ANKS1B: variants seen among roughly 807,000 people sequenced by gnomAD.
ANKS1B encodes the protein ankyrin repeat and sterile alpha motif domain containing 1B, also known as ankyrin repeat and sterile alpha motif domain-containing protein 1B.
Under a neutral mutation model 148.3 loss-of-function variants are expected in ANKS1B, and 36 were observed. The ratio of observed to expected loss-of-function variants is 0.24; its 90% CI spans 0.19 to 0.32. The LOEUF (loss-of-function observed/expected upper bound fraction) is 0.32, where lower values mean the gene tolerates loss of function less well. Among genes scored for constraint, ANKS1B ranks in the 10% least tolerant of loss-of-function variants. The probability of loss-of-function intolerance (pLI) is 1.00; values close to 1 mark genes in which losing one functional copy is unlikely to be tolerated. For missense variants in ANKS1B, 1,157 were observed against 1,542.6 expected (o/e 0.75, Z 4.19); for synonymous variants, 542 against 560.8 (o/e 0.97, Z 0.47).
chr12:98,801,215 C>T lies in ANKS1B; in HGVS notation c.3142-90G>A. 3 of 1,353,856 alleles carry T rather than the reference C, an allele frequency of 2.2e-6. No homozygotes were observed. The highest frequency in any genetic ancestry group is 3.0e-6 in the Non-Finnish European group (3 of 995,212). 83.9% of individuals were successfully genotyped at this position (1,353,856 alleles called of 1,614,324 possible). ...CCTGAGCTCACCTTACACACAGGTG[C>T]TGTGAATGTACCAAAATGCATTTGG... On this transcript the variant is annotated intron_variant, in intron 20 of 26. Transcript: ENST00000683438. This position sits in a 1 kb window ranked among gnomAD's most constrained non-coding sequence, Gnocchi z 5.2.
chr12:99,129,296 T>C (rs766807200), intron 15 of ANKS1B, among the ~76,000 whole-genome samples: 2 of 152,188 alleles, frequency 1.3e-5, no homozygotes, highest in Non-Finnish European at 2.9e-5. Flanking sequence ...TGTCAATGCA[T>C]AGCAGGTCTC....
intron 10 of ANKS1B, among the ~76,000 whole-genome samples, chr12:99,476,427 C>A (rs748892714): frequency 6.6e-6 from 1 of 151,930 alleles, no homozygotes; most frequent in Non-Finnish European, 1.5e-5. Flanking sequence ...GAAAAGATAT[C>A]ACAATTAATC....
intron 15 of ANKS1B, chr12:99,093,440 A>C (rs999078914): frequency 6.6e-6 from 1 of 152,274 alleles, no homozygotes; most frequent in Non-Finnish European, 1.5e-5. Flanking sequence ...TGACTGGTCA[A>C]CTGGGAAAAT....
chr12:99,181,216 CT>C (rs929898421), intron 14 of ANKS1B, among the ~76,000 whole-genome samples: 39 of 151,492 alleles, frequency 2.6e-4, no homozygotes, highest in African/African-American at 8.2e-4. Flanking sequence ...AACCATGATC[CT>C]TGCGATAAGT....
intron 9 of ANKS1B, among the ~76,000 whole-genome samples, chr12:99,540,286 C>T (rs923682196): frequency 1.3e-5 from 2 of 152,084 alleles, no homozygotes; most frequent in African/African-American, 4.8e-5. Flanking sequence ...AAACAGAAGA[C>T]TTAAATAATA....
intron 19 of ANKS1B, among the ~76,000 whole-genome samples, chr12:98,813,774 C>T (rs2153636936): frequency 6.6e-6 from 1 of 151,950 alleles, no homozygotes; most frequent in South Asian, 2.1e-4. Context: ...AGGCTGGTCT[C>T]AAACTCCTGG....
chr12:99,123,781 C>T (rs957722611), intron 15 of ANKS1B, among the ~76,000 whole-genome samples: 5 of 152,160 alleles, frequency 3.3e-5, no homozygotes, highest in East Asian at 3.9e-4. Flanking sequence ...CGTTCCCCTG[C>T]CTGCTTTTAT....
intron 9 of ANKS1B, among the ~76,000 whole-genome samples, chr12:99,577,818 T>C (rs1479779750): frequency 6.6e-6 from 1 of 152,012 alleles, no homozygotes; most frequent in Non-Finnish European, 1.5e-5. Flanking sequence ...TGGAAACCAT[T>C]ACTATTAAAA....
intron 19 of ANKS1B, among the ~76,000 whole-genome samples, chr12:98,816,811 T>C (rs917956601): frequency 7.2e-5 from 11 of 152,112 alleles, no homozygotes; most frequent in Non-Finnish European, 1.5e-4. Context: ...GACAGGCTGA[T>C]GGTGGGTCTC....
chr12:98,947,712 A>G (rs2099847559), intron 17 of ANKS1B, among the ~76,000 whole-genome samples: 1 of 152,276 alleles, frequency 6.6e-6, no homozygotes, highest in South Asian at 2.1e-4. Flanking sequence ...AGTCTTTGAG[A>G]GTTAACTCAG....
At chr12:99,792,283 C>T (rs373071819) in intron 4 of ANKS1B, among the ~76,000 whole-genome samples, 6 of 151,806 alleles carry the variant, frequency 4.0e-5, no homozygotes, top group African/African-American at 7.2e-5. Flanking sequence ...AGTGCAGGAC[C>T]GATGACTTTG....
Position 98,815,991 on chromosome 12 carries a change from T to C in ANKS1B, c.3067-8073A>G, listed in dbSNP as rs944954598. ...CAGTCCTAACAATGACCTGCAAGGT[T>C]CTCCGTTCTCTGGTACCCACACTGC... On this transcript the variant is annotated intron_variant, in intron 19 of 26. Transcript: ENST00000683438. 4.6e-5 allele frequency among the ~76,000 whole-genome samples: 7 copies of C among 152,130 alleles called. 1 individual carries two copies. In the East Asian group the frequency reaches 1.2e-3, roughly 25 times the overall value.
chr12:98,920,322 A>G (rs568187902), intron 17 of ANKS1B, among the ~76,000 whole-genome samples: 8 of 152,352 alleles, frequency 5.3e-5, no homozygotes, highest in Non-Finnish European at 2.9e-5. Context: ...GTAGAAATGT[A>G]TCTACTTCCA....
intron 14 of ANKS1B, among the ~76,000 whole-genome samples, chr12:99,223,188 C>A (rs544885270): frequency 9.8e-4 from 149 of 152,246 alleles, no homozygotes; most frequent in African/African-American, 3.3e-3. Flanking sequence ...CCCTTTCCTA[C>A]AGCTACCATT....
At chr12:99,724,009 A>C (rs979975990) in intron 8 of ANKS1B, among the ~76,000 whole-genome samples, 6 of 152,152 alleles carry the variant, frequency 3.9e-5, no homozygotes, top group Non-Finnish European at 8.8e-5. Flanking sequence ...GGCAGCCTCA[A>C]ATATCAAAAC....
At chr12:99,559,843 T>C (rs552466884) in intron 9 of ANKS1B, among the ~76,000 whole-genome samples, 29 of 152,170 alleles carry the variant, frequency 1.9e-4, no homozygotes, top group Non-Finnish European at 3.4e-4. Context: ...AAAAATCATA[T>C]AGAGGATGCT....
At chr12:99,639,563 A>C (rs2098280450) in intron 9 of ANKS1B, among the ~76,000 whole-genome samples, 1 of 152,118 alleles carries the variant, frequency 6.6e-6, no homozygotes, top group African/African-American at 2.4e-5. Flanking sequence ...CCCCCACGTC[A>C]TGGGAGGGAC....
chr12:99,983,846 T>A (rs910008135), intron 1 of ANKS1B, among the ~76,000 whole-genome samples: 1 of 152,190 alleles, frequency 6.6e-6, no homozygotes, highest in Non-Finnish European at 1.5e-5. Flanking sequence ...CATGTACAAG[T>A]TCTGCACCAG....
chr12:99,735,469 G>A (rs115255532), intron 8 of ANKS1B, among the ~76,000 whole-genome samples: 2 of 151,976 alleles, frequency 1.3e-5, no homozygotes, highest in Admixed American at 1.3e-4. Context: ...TATCATCAGA[G>A]ACTATTATTA....
Sources: allele counts gnomAD v4.1 joint callset (sites outside exome capture counted in the v4.1 genomes callset), GRCh38; gene constraint gnomAD v4.1.1; non-coding constraint Gnocchi (gnomAD v3.1); transcripts MANE v1.5; gene names NCBI Gene and HGNC (gene_info 2026-07-23, HGNC 2026-07-21).